The following DSCAML1 variants were observed in gnomAD, a reference collection of about 807,000 sequenced individuals.
The protein encoded by DSCAML1 is cell adhesion molecule DSCAML1.
DSCAML1 carries 38 observed loss-of-function variants against 200.5 expected under a neutral mutation model. The observed-to-expected ratio is 0.19, with a 90% CI of 0.15 to 0.25. DSCAML1 has a LOEUF of 0.25. DSCAML1 is among the 10% of genes least tolerant of loss of function. The pLI, the probability that DSCAML1 is intolerant of heterozygous loss-of-function variation, is 1.00. For synonymous variants in DSCAML1, 1,215 were observed against 1,165.0 expected, an observed-to-expected ratio of 1.04 and a Z score of -0.87; for missense variants, 2,223 against 2,858.8, an observed-to-expected ratio of 0.78 and a Z score of 5.07.
intron 4 of DSCAML1, 22 bp from the exon 5 acceptor site, chr11:117,525,105 C>T: frequency 6.6e-7 from 1 of 1,504,960 alleles, no homozygotes; most frequent in Non-Finnish European, 8.8e-7. Context: ...AGAGGGTCGG[C>T]AGCCCTGGCC....
chr11:117,746,244 A>AAAAAAC, intron 3 of DSCAML1, among the ~76,000 whole-genome samples: 1 of 151,234 alleles, frequency 6.6e-6, no homozygotes, highest in Non-Finnish European at 1.5e-5. Flanking sequence ...AAAAAAAAAA[A>AAAAAAC]AGTGCCTGGC....
intron 3 of DSCAML1, among the ~76,000 whole-genome samples, chr11:117,619,165 T>A (rs2051874838): frequency 6.6e-6 from 1 of 152,226 alleles, no homozygotes; most frequent in Non-Finnish European, 1.5e-5. Flanking sequence ...GGCTGCCAAG[T>A]CGGCCCAGTG....
rs541420895 is a variant in DSCAML1, at chr11:117,683,424, G to T, written c.511+93367C>A. ...TGATCTGCTAGTCTCTCTGGAACAT[G>T]CAGAGGAGAGCCGAGTTCAGTCATC... is the stretch of plus-strand genomic sequence containing the variant. On this transcript the variant is annotated intron_variant, in intron 3 of 32. Transcript: ENST00000651296. Among the ~76,000 whole-genome samples the T allele has an allele frequency of 5.3e-4, 81 of 152,340 alleles. 1 individual carries two copies. The highest frequency in any genetic ancestry group is 4.4e-3 in the Admixed American group (68 of 15,304).
chr11:117,764,953 G>T (rs1038071775), intron 3 of DSCAML1, among the ~76,000 whole-genome samples: 1 of 152,124 alleles, frequency 6.6e-6, no homozygotes, highest in Non-Finnish European at 1.5e-5. Flanking sequence ...CCACATGCAC[G>T]GCCGCCTTCA....
chr11:117,637,369 G>A (rs868306291), intron 3 of DSCAML1, among the ~76,000 whole-genome samples: 5 of 146,182 alleles, frequency 3.4e-5, no homozygotes, highest in Non-Finnish European at 6.0e-5. Context: ...TTTTTGAGAC[G>A]GAGTCTTGCT....
At chr11:117,739,823 A>C (rs1234576841) in intron 3 of DSCAML1, among the ~76,000 whole-genome samples, 3 of 152,228 alleles carry the variant, frequency 2.0e-5, no homozygotes, top group African/African-American at 7.2e-5. Context: ...GATCAGAAAC[A>C]GGAGGAGGAG....
intron 3 of DSCAML1, among the ~76,000 whole-genome samples, chr11:117,682,175 C>T (rs550915090): frequency 8.1e-4 from 123 of 152,292 alleles, no homozygotes; most frequent in East Asian, 1.9e-4. Flanking sequence ...AGGAATTGTC[C>T]TCCTCCAATG....
At chr11:117,568,434 G>A (rs1374295912) in intron 3 of DSCAML1, among the ~76,000 whole-genome samples, 1 of 152,190 alleles carries the variant, frequency 6.6e-6, no homozygotes, top group Non-Finnish European at 1.5e-5. Flanking sequence ...AAGTCAAATT[G>A]TCCCTGTTTG....
chr11:117,656,100 T>C (rs1480521570), intron 3 of DSCAML1, among the ~76,000 whole-genome samples: 1 of 152,210 alleles, frequency 6.6e-6, no homozygotes, highest in East Asian at 1.9e-4. Flanking sequence ...TAGCTGGGCG[T>C]GGTGGCGTAC....
intron 3 of DSCAML1, among the ~76,000 whole-genome samples, chr11:117,566,048 T>G (rs2050749946): frequency 1.3e-5 from 2 of 152,250 alleles, no homozygotes; most frequent in South Asian, 4.1e-4. Context: ...ATAACATTTG[T>G]AAGCACTGGC....
At position 117,471,941 on chromosome 11, in the gene DSCAML1, G is replaced by A. The variant is rs777822828; in HGVS notation, c.2881C>T (p.Arg961Cys). The change falls in exon 15 of 33, where the codon CGC (arginine) becomes TGC (cysteine). Residue 961 changes from arginine (R) to cysteine (C), a missense_variant. By Grantham distance (180) the Arg-to-Cys change is radical (BLOSUM62 -3). This residue lies in a region of DSCAML1 where 438 missense variants were observed against 629.7 expected (regional missense o/e 0.70). Coordinates refer to ENST00000651296, the MANE Select transcript of DSCAML1 (RefSeq NM_020693.4). Reference protein sequence around the residue: ...DLHPASVYSIRMYSFNKIGRS... With the variant: ...DLHPASVYSICMYSFNKIGRS... ...CCAATCTTGTTGAAAGAGTACATGC[G>A]GATGCTGTACACAGATGCCGGGTGC... The A allele has an allele frequency of 4.3e-6, 7 of 1,613,980 alleles. No homozygotes were observed. Among genetic ancestry groups the A allele is most frequent in the East Asian group, 2.2e-5 (1 of 44,898 alleles).
At chr11:117,752,825 G>A (rs2054625151) in intron 3 of DSCAML1, among the ~76,000 whole-genome samples, 2 of 152,240 alleles carry the variant, frequency 1.3e-5, no homozygotes, top group Admixed American at 1.3e-4. Context: ...AGGGCCCTGT[G>A]GTGCGGCGAG....
intron 11 of DSCAML1, among the ~76,000 whole-genome samples, chr11:117,483,128 A>G (rs2048964264): frequency 6.6e-6 from 1 of 152,226 alleles, no homozygotes; most frequent in African/African-American, 2.4e-5. Flanking sequence ...CTGCGGCAGC[A>G]GCAGGAGGCA....
intron 3 of DSCAML1, among the ~76,000 whole-genome samples, chr11:117,557,140 G>A (rs774294858): frequency 1.4e-4 from 21 of 152,168 alleles, no homozygotes; most frequent in Non-Finnish European, 2.1e-4. Context: ...TAAGATGCCC[G>A]TAGTTAGTCT....
chr11:117,444,354 CAGG>C (rs2137099719), intron 20 of DSCAML1, among the ~76,000 whole-genome samples: 1 of 152,186 alleles, frequency 6.6e-6, no homozygotes, highest in Admixed American at 6.5e-5. Flanking sequence ...ACGGGGTAGC[CAGG>C]AGAAGGGAGA....
chr11:117,440,353 G>A (rs559806301), intron 21 of DSCAML1, among the ~76,000 whole-genome samples: 1 of 152,310 alleles, frequency 6.6e-6, no homozygotes, highest in African/African-American at 2.4e-5. Flanking sequence ...CAACGGCCGG[G>A]AATAGCATCT....
intron 3 of DSCAML1, among the ~76,000 whole-genome samples, chr11:117,680,760 T>C (rs1013728359): frequency 2.0e-5 from 3 of 152,152 alleles, no homozygotes; most frequent in African/African-American, 7.2e-5. Context: ...ACAGGGTACC[T>C]TGGGAGGCTC....
chr11:117,510,467 C>CATG (rs34350893), intron 8 of DSCAML1, among the ~76,000 whole-genome samples: 1 of 50,612 alleles, frequency 2.0e-5, no homozygotes, highest in African/African-American at 6.9e-5. Context: ...AAACAAGTCC[C>CATG]ATATTTTGGG....
intron 3 of DSCAML1, among the ~76,000 whole-genome samples, chr11:117,672,569 G>A (rs937496218): frequency 1.8e-4 from 27 of 152,170 alleles, no homozygotes; most frequent in African/African-American, 6.3e-4. Context: ...TCCCAGCGAC[G>A]CAATCACAGC....
Sources: allele counts gnomAD v4.1 joint callset (sites outside exome capture counted in the v4.1 genomes callset), GRCh38; gene constraint gnomAD v4.1.1; regional missense constraint gnomAD v4.1.1; transcripts MANE v1.5; gene names NCBI Gene and HGNC (gene_info 2026-07-23, HGNC 2026-07-21).